Variants in DYNC2H1 observed in about 807,000 individuals in gnomAD.
DYNC2H1 encodes dynein cytoplasmic 2 heavy chain 1, also known as cytoplasmic dynein 2 heavy chain 1.
Under a neutral mutation model 570.0 loss-of-function variants are expected in DYNC2H1, and 410 were observed. The observed-to-expected ratio is 0.72, with a 90% CI of 0.66 to 0.78. The LOEUF is 0.78. DYNC2H1 is among the 30% of genes least tolerant of loss of function. The probability of loss-of-function intolerance (pLI) is 0.00; values close to 1 mark genes in which losing one functional copy is unlikely to be tolerated. For missense variants in DYNC2H1, 4,865 were observed against 5,046.4 expected, an observed-to-expected ratio of 0.96 and a Z score of 1.09; for synonymous variants, 1,688 against 1,677.6, an observed-to-expected ratio of 1.01 and a Z score of -0.15.
intron 83 of DYNC2H1, among the ~76,000 whole-genome samples, chr11:103,361,799 A>G (rs1403117043): frequency 6.6e-6 from 1 of 152,202 alleles, no homozygotes; most frequent in Admixed American, 6.5e-5. Context: ...CAAAAAACGA[A>G]AAAAGAACTG....
intron 21 of DYNC2H1, among the ~76,000 whole-genome samples, chr11:103,152,747 A>G (rs909253475): frequency 1.5e-4 from 23 of 152,290 alleles, no homozygotes; most frequent in Non-Finnish European, 2.9e-4. Context: ...TTTGTCTACC[A>G]TCTCTAGCGT....
intron 85 of DYNC2H1, among the ~76,000 whole-genome samples, chr11:103,443,747 A>T (rs1665759297): frequency 6.6e-6 from 1 of 151,826 alleles, no homozygotes; most frequent in African/African-American, 2.4e-5. Flanking sequence ...CTGAAATTTG[A>T]TAAGTGAGAA....
chr11:103,191,344 G>A (rs1313009073), intron 45 of DYNC2H1, among the ~76,000 whole-genome samples, 173 bp from the exon 46 acceptor site: 1 of 151,982 alleles, frequency 6.6e-6, no homozygotes, highest in African/African-American at 2.4e-5. Context: ...CGACCAGAAT[G>A]TTTTTAAGTG....
chr11:103,222,245 A>G, intron 58 of DYNC2H1, 92 bp downstream of exon 58: 2 of 876,176 alleles, frequency 2.3e-6, no homozygotes, highest in African/African-American at 1.7e-5. Flanking sequence ...CCAACTGTTT[A>G]GATCACCTAA....
rs567054694 is a variant in DYNC2H1, at chr11:103,475,052, A to T, written c.12766-4043A>T. On this transcript the variant is annotated intron_variant, in intron 88 of 88. Transcript: ENST00000375735. ...AGCAGAAAAATTATGCAAGATGTTT[A>T]TTCACATAAAACAATTTTTATTTAT... 2.0e-3 allele frequency among the ~76,000 whole-genome samples: 300 copies of T among 152,328 alleles called. 3 individuals are homozygous for T. Among genetic ancestry groups the T allele is most frequent in the South Asian group, 4.1e-3 (20 of 4,832 alleles).
At chr11:103,214,569 C>A (rs921726080) in intron 54 of DYNC2H1, among the ~76,000 whole-genome samples, 1 of 151,442 alleles carries the variant, frequency 6.6e-6, no homozygotes, top group African/African-American at 2.4e-5. Context: ...CTCAGCCTCC[C>A]GAGTAGCTGC....
At position 103,324,110 on chromosome 11, in the gene DYNC2H1, A is replaced by T. The variant is rs567882084; in HGVS notation, c.12039+120A>T. On this transcript the variant is annotated intron_variant, in intron 82 of 88. Transcript: ENST00000375735. The surrounding 1 kb of genome is among the most constrained non-coding windows in gnomAD (Gnocchi z 5.2). ...CTTTATTTAAACATTTTATTTTCAC[A>T]ACACATTCCAGTTTTACTTTAAATA... is the stretch of plus-strand genomic sequence containing the variant. The T allele has an allele frequency of 2.5e-4, 112 of 452,986 alleles. No individual in the cohort carries two copies. The highest frequency in any genetic ancestry group is 1.9e-3 in the South Asian group (19 of 10,190). 28.1% of individuals were successfully genotyped at this position (452,986 alleles called of 1,614,324 possible). A position where few individuals can be genotyped will look rare whatever the true frequency, so the allele number is the denominator to read the frequency against.
intron 83 of DYNC2H1, among the ~76,000 whole-genome samples, chr11:103,377,326 T>C (rs754835579): frequency 2.6e-5 from 4 of 152,178 alleles, no homozygotes; most frequent in Non-Finnish European, 4.4e-5. Context: ...TTTTCCCCCT[T>C]GGACTGGGTT....
chr11:103,396,990 A>G (rs1942425889), intron 83 of DYNC2H1, among the ~76,000 whole-genome samples: 1 of 152,178 alleles, frequency 6.6e-6, no homozygotes, highest in Non-Finnish European at 1.5e-5. Context: ...GAGGTGGGTA[A>G]GGGTTGAAAA....
rs1035053223 is a variant in DYNC2H1, at chr11:103,280,552, A to T, written c.10761+139A>T. The stretch of plus-strand genomic sequence containing the variant: ...TCTTTTACTAAGTTAGAAATGTAGT[A>T]TAAAATGGTGATTCCTAGTTCTACT... On this transcript the variant is annotated intron_variant, in intron 71 of 88. Coordinates refer to ENST00000375735, the MANE Select transcript of DYNC2H1 (RefSeq NM_001377.3). This position sits in a 1 kb window ranked among gnomAD's most constrained non-coding sequence, Gnocchi z 4.7. 5.1e-6 allele frequency: 4 copies of T among 780,994 alleles called. No individual in the cohort carries two copies. Among genetic ancestry groups the T allele is most frequent in the Non-Finnish European group, 8.2e-6 (4 of 488,966 alleles). 48.4% of individuals were successfully genotyped at this position (780,994 alleles called of 1,614,324 possible).
intron 50 of DYNC2H1, among the ~76,000 whole-genome samples, chr11:103,202,051 A>T (rs970965291): frequency 2.6e-5 from 4 of 152,178 alleles, no homozygotes; most frequent in Admixed American, 1.3e-4. Context: ...TGGTTAAATA[A>T]TAAGTAATAT....
intron 88 of DYNC2H1, 74 bp from the exon 89 acceptor site, chr11:103,479,021 T>G: frequency 6.7e-7 from 1 of 1,501,100 alleles, no homozygotes; most frequent in African/African-American, 1.4e-5. Flanking sequence ...AATATGTTTG[T>G]TTCCTTGGTT....
intron 84 of DYNC2H1, chr11:103,402,529 C>T (rs1242437343): frequency 2.6e-5 from 4 of 151,920 alleles, no homozygotes; most frequent in African/African-American, 9.7e-5. Context: ...TGAGAGAGCC[C>T]CTGTTAATGG....
At chr11:103,383,117 C>A (rs1445193532) in intron 83 of DYNC2H1, among the ~76,000 whole-genome samples, 1 of 152,168 alleles carries the variant, frequency 6.6e-6, no homozygotes, top group Non-Finnish European at 1.5e-5. Flanking sequence ...GGGGGGGATT[C>A]TTTGGCTGAG....
intron 61 of DYNC2H1, among the ~76,000 whole-genome samples, chr11:103,234,683 G>A (rs777203551): frequency 2.6e-5 from 4 of 151,756 alleles, no homozygotes; most frequent in Non-Finnish European, 4.4e-5. Context: ...CAACTGCCTT[G>A]GGGGTTATCT....
intron 68 of DYNC2H1, 81 bp from the exon 69 acceptor site, chr11:103,257,527 G>A (rs1865104859): frequency 7.4e-7 from 1 of 1,350,196 alleles, no homozygotes; most frequent in African/African-American, 1.5e-5. Context: ...GTAGATATGT[G>A]CATTGTAGTC....
chr11:103,352,101 A>G (rs533145435), intron 82 of DYNC2H1, among the ~76,000 whole-genome samples: 5 of 152,066 alleles, frequency 3.3e-5, no homozygotes, highest in Non-Finnish European at 5.9e-5. Flanking sequence ...TAAAAGTAGA[A>G]TTTTAAAATA....
At chr11:103,478,250 G>A (rs1051017789) in intron 88 of DYNC2H1, among the ~76,000 whole-genome samples, 3 of 152,158 alleles carry the variant, frequency 2.0e-5, no homozygotes, top group Admixed American at 2.0e-4. Flanking sequence ...AAGGGAAATA[G>A]GCATTTATCT....
rs650485 is a variant in DYNC2H1 at position 103,205,524 on chromosome 11, G to T, written c.8454+560G>T. 0.94 allele frequency among the ~76,000 whole-genome samples: 143,759 copies of T among 152,272 alleles called. 67,939 individuals carry two copies. Among genetic ancestry groups the T allele is most frequent in the African/African-American group, 0.98 (40,820 of 41,566 alleles). ...ATGATTCAGAGTAAGGAGTGTAATT[G>T]GAGATAAAAGACATGGTTTACAGAT... On this transcript the variant is annotated intron_variant, in intron 52 of 88. Coordinates refer to ENST00000375735, the MANE Select transcript of DYNC2H1 (RefSeq NM_001377.3). The surrounding 1 kb of genome is among the most constrained non-coding windows in gnomAD (Gnocchi z 4.5).
Sources: allele counts gnomAD v4.1 joint callset (sites outside exome capture counted in the v4.1 genomes callset), GRCh38; gene constraint gnomAD v4.1.1; non-coding constraint Gnocchi (gnomAD v3.1); transcripts MANE v1.5; gene names NCBI Gene and HGNC (gene_info 2026-07-23, HGNC 2026-07-21).